ADAMTS12: variants seen among roughly 807,000 people sequenced by gnomAD.
ADAMTS12 encodes ADAM metallopeptidase with thrombospondin type 1 motif 12, also known as A disintegrin and metalloproteinase with thrombospondin motifs 12.
ADAMTS12 carries 118 observed loss-of-function variants against 167.8 expected under a neutral mutation model. The ratio of observed to expected loss-of-function variants is 0.70; its 90% CI spans 0.61 to 0.82. ADAMTS12 has a LOEUF of 0.82. Among genes scored for constraint, ADAMTS12 ranks in the 40% least tolerant of loss-of-function variants. The pLI, the probability that ADAMTS12 is intolerant of heterozygous loss-of-function variation, is 0.00. For missense variants in ADAMTS12, 1,916 were observed against 1,998.8 expected (o/e 0.96, Z 0.79); for synonymous variants, 704 against 716.9 (o/e 0.98, Z 0.29).
intron 2 of ADAMTS12, among the ~76,000 whole-genome samples, chr5:33,863,355 C>G (rs1320486052): frequency 6.6e-6 from 1 of 152,194 alleles, no homozygotes; most frequent in East Asian, 1.9e-4. Flanking sequence ...ACTCAGGTTA[C>G]AAGATCAATG....
chr5:33,726,275 C>T (rs1384400102), intron 3 of ADAMTS12, among the ~76,000 whole-genome samples: 1 of 152,196 alleles, frequency 6.6e-6, no homozygotes, highest in African/African-American at 2.4e-5. Flanking sequence ...ATGTCACTCA[C>T]ATTGTAGGTA....
At chr5:33,719,870 T>C (rs893709781) in intron 3 of ADAMTS12, among the ~76,000 whole-genome samples, 2 of 152,116 alleles carry the variant, frequency 1.3e-5, no homozygotes, top group Non-Finnish European at 1.5e-5. Flanking sequence ...AAAGAAAAAA[T>C]TGTTTTGAAA....
intron 6 of ADAMTS12, among the ~76,000 whole-genome samples, chr5:33,659,095 T>C (rs905562059): frequency 7.9e-5 from 12 of 152,188 alleles, no homozygotes; most frequent in African/African-American, 2.7e-4. Flanking sequence ...CTCTAGTTAA[T>C]TGAACACCAG....
intron 14 of ADAMTS12, 59 bp downstream of exon 14, chr5:33,624,172 A>C: frequency 6.2e-7 from 1 of 1,606,540 alleles, no homozygotes. Context: ...CCAATCAACC[A>C]TTTATCTTGC....
At position 33,576,492 on chromosome 5, in the gene ADAMTS12, G is replaced by C; in HGVS notation, c.3534C>G (p.Thr1178=). Reference sequence around the variant, plus strand: ...CGTCATTTCCAGGTACTCTGATCTTGGTCCATATTACAGGATTGCTTTCAT... The same window carrying C: ...CGTCATTTCCAGGTACTCTGATCTTCGTCCATATTACAGGATTGCTTTCAT... The part of the protein sequence containing the change: ...DKDESNPVIW[T]KIRVPGNDAP... The change falls in exon 19 of 24, where the codon ACC becomes ACG. Residue 1178 remains threonine, a synonymous_variant. Transcript: ENST00000504830. The C allele has an allele frequency of 1.2e-6, 2 of 1,608,890 alleles. No homozygotes were observed. Among genetic ancestry groups the C allele is most frequent in the Non-Finnish European group, 1.7e-6 (2 of 1,177,610 alleles).
At chr5:33,884,566 A>G (rs1209522728) in intron 1 of ADAMTS12, among the ~76,000 whole-genome samples, 1 of 152,168 alleles carries the variant, frequency 6.6e-6, no homozygotes, top group East Asian at 1.9e-4. Context: ...GTTGGGGCAC[A>G]GTAGGGGGGA....
At position 33,881,232 on chromosome 5, in the gene ADAMTS12, G is replaced by A; in HGVS notation, c.376C>T (p.Leu126Phe). The change falls in exon 2 of 24, where the codon CTC becomes TTC. Residue 126 changes from leucine (L) to phenylalanine (F), a missense_variant. Coordinates refer to ENST00000504830, the MANE Select transcript of ADAMTS12 (RefSeq NM_030955.4). ...SYIMEKRYGN[L>F]SHVKMMASSA... ...GAAGCCATCATCTTAACATGGGAGA[G>A]GTTCCCATATCTCTTCTCCATGATG... 1 of 1,614,154 alleles carries A rather than the reference G, an allele frequency of 6.2e-7. No individual in the cohort carries two copies. Among genetic ancestry groups the A allele is most frequent in the Non-Finnish European group, 8.5e-7 (1 of 1,180,020 alleles).
intron 5 of ADAMTS12, among the ~76,000 whole-genome samples, chr5:33,667,317 CAAAAAAAA>C (rs5867201): frequency 1.3e-5 from 1 of 78,390 alleles, no homozygotes; most frequent in African/African-American, 5.0e-5. Context: ...GACTCTGTCT[CAAAAAAAA>C]AAAAAAAAAA....
At position 33,641,385 on chromosome 5, in the gene ADAMTS12, T is replaced by C. The variant is rs536268591; in HGVS notation, c.1718+425A>G. Among the ~76,000 whole-genome samples the C allele has an allele frequency of 2.0e-5, 3 of 152,312 alleles. No homozygotes were observed. In the South Asian group the frequency reaches 6.2e-4, roughly 32 times the overall value. ...ACTAGTTGCTTAAGGAAAGAATTAT[T>C]CTCATAAAATTGTGTATTCATTATC... On this transcript the variant is annotated intron_variant, in intron 11 of 23. Transcript: ENST00000504830.
intron 2 of ADAMTS12, among the ~76,000 whole-genome samples, chr5:33,856,872 A>G (rs1749419920): frequency 1.3e-5 from 2 of 152,218 alleles, no homozygotes; most frequent in South Asian, 2.1e-4. Flanking sequence ...GTAAATTACC[A>G]TATGATTCAG....
rs143258303 is a variant in ADAMTS12, at chr5:33,714,017, G to A, written c.635-29962C>T. 3.3e-5 allele frequency among the ~76,000 whole-genome samples: 5 copies of A among 152,254 alleles called. No individual in the cohort carries two copies. In the East Asian group the frequency reaches 7.7e-4, roughly 24 times the overall value. ...TCCAGGAAGAACCTGAAATCTTCAT[G>A]TGGGCTTGTGATACCACTTGTATTT... On this transcript the variant is annotated intron_variant, in intron 3 of 23. Transcript: ENST00000504830.
rs112476385 is a variant in ADAMTS12, at chr5:33,777,981, T to C, written c.490-26433A>G. On this transcript the variant is annotated intron_variant, in intron 2 of 23. Transcript: ENST00000504830. ...TAAATTTAATCAGAGGTAAAAGATA[T>C]GTACATTGAAAACTGTAAATCACTG... Among the ~76,000 whole-genome samples the C allele has an allele frequency of 1.7e-3, 251 of 152,092 alleles. 3 individuals are homozygous for C. Among genetic ancestry groups the C allele is most frequent in the African/African-American group, 4.4e-3 (181 of 41,542 alleles).
chr5:33,713,625 A>G (rs982886871), intron 3 of ADAMTS12, among the ~76,000 whole-genome samples: 1 of 152,036 alleles, frequency 6.6e-6, no homozygotes, highest in African/African-American at 2.4e-5. Context: ...GATGACTTAA[A>G]TCAGGAGATG....
At chr5:33,869,893 T>C (rs1252493057) in intron 2 of ADAMTS12, among the ~76,000 whole-genome samples, 2 of 152,186 alleles carry the variant, frequency 1.3e-5, no homozygotes, top group Non-Finnish European at 2.9e-5. Context: ...TAGGGCATGT[T>C]TCATCCCTAT....
intron 2 of ADAMTS12, among the ~76,000 whole-genome samples, chr5:33,785,881 T>C (rs1290530425): frequency 6.6e-6 from 1 of 152,222 alleles, no homozygotes; most frequent in Non-Finnish European, 1.5e-5. Flanking sequence ...CATAGCAGCA[T>C]TATTTATAAT....
At chr5:33,787,916 G>A (rs2112452123) in intron 2 of ADAMTS12, among the ~76,000 whole-genome samples, 1 of 152,356 alleles carries the variant, frequency 6.6e-6, no homozygotes, top group Middle Eastern at 3.4e-3. Context: ...GTGAGGGAAT[G>A]TTCTGGGTGC....
At chr5:33,821,597 G>T (rs1020042168) in intron 2 of ADAMTS12, among the ~76,000 whole-genome samples, 1 of 152,088 alleles carries the variant, frequency 6.6e-6, no homozygotes, top group African/African-American at 2.4e-5. Context: ...CCAACCAGCA[G>T]TACGTGACTG....
chr5:33,811,860 A>G (rs1747474331), intron 2 of ADAMTS12, among the ~76,000 whole-genome samples: 1 of 152,136 alleles, frequency 6.6e-6, no homozygotes, highest in Admixed American at 6.5e-5. Context: ...CTGGTGGAGG[A>G]GGAGAGAGTG....
At chr5:33,605,661 G>A (rs1289046877) in intron 16 of ADAMTS12, among the ~76,000 whole-genome samples, 2 of 152,152 alleles carry the variant, frequency 1.3e-5, no homozygotes, top group African/African-American at 4.8e-5. Flanking sequence ...TGTATACAGA[G>A]TAAATCGAGA....
Sources: gnomAD v4.1 joint callset for allele counts (sites outside exome capture counted in the v4.1 genomes callset) on GRCh38, gnomAD v4.1.1 for gene constraint, MANE v1.5 for transcripts, NCBI Gene and HGNC (gene_info 2026-07-23, HGNC 2026-07-21) for gene names.